The following RLF variants were observed in gnomAD, a reference collection of about 807,000 sequenced individuals.
The protein encoded by RLF is zinc finger protein Rlf.
Under a neutral mutation model 162.9 loss-of-function variants are expected in RLF, and 7 were observed. The ratio of observed to expected loss-of-function variants is 0.04; its 90% CI spans 0.02 to 0.08. The LOEUF is 0.08. RLF is among the 10% of genes least tolerant of loss of function. RLF has a pLI of 1.00. For synonymous variants in RLF, 782 were observed against 791.5 expected, an observed-to-expected ratio of 0.99 and a Z score of 0.20; for missense variants, 1,664 against 2,244.7, an observed-to-expected ratio of 0.74 and a Z score of 5.23.
intron 3 of RLF, among the ~76,000 whole-genome samples, chr1:40,192,596 T>G (rs1292938080): frequency 6.6e-6 from 1 of 152,184 alleles, no homozygotes; most frequent in Non-Finnish European, 1.5e-5. Flanking sequence ...TAGTTGCCTC[T>G]TTTTCCACTT....
At chr1:40,217,177 T>C (rs1248865159) in intron 5 of RLF, among the ~76,000 whole-genome samples, 15 of 152,162 alleles carry the variant, frequency 9.9e-5, no homozygotes, top group Admixed American at 9.8e-4. Flanking sequence ...TAAAAACTCT[T>C]ACTTAAGGCT....
intron 1 of RLF, among the ~76,000 whole-genome samples, chr1:40,184,629 G>C (rs1642447832): frequency 6.6e-6 from 1 of 152,202 alleles, no homozygotes; most frequent in Admixed American, 6.5e-5. Flanking sequence ...AAGGACTTGA[G>C]AGAGTAATTT....
rs374143953 is a variant in RLF, at chr1:40,167,215, A to G, written c.237+5579A>G. On this transcript the variant is annotated intron_variant, in intron 1 of 7. Coordinates refer to ENST00000372771, the MANE Select transcript of RLF (RefSeq NM_012421.4). ...ATAGGACAATAGTTTGGAGATGCCA[A>G]GATGGGTATAATCAGTCCCCTTACC... Among the ~76,000 whole-genome samples the G allele has an allele frequency of 8.5e-5, 13 of 152,318 alleles. 1 individual carries two copies. Among genetic ancestry groups the G allele is most frequent in the East Asian group, 3.9e-4 (2 of 5,188 alleles).
intron 7 of RLF, among the ~76,000 whole-genome samples, chr1:40,233,206 A>C (rs557727054): frequency 7.9e-5 from 12 of 152,070 alleles, no homozygotes; most frequent in Non-Finnish European, 1.8e-4. Context: ...AGACCCACCA[A>C]TTTCTTCAAA....
intron 6 of RLF, among the ~76,000 whole-genome samples, chr1:40,224,578 CTTTTTTTTTTTT>C (rs59980316): frequency 4.9e-5 from 2 of 40,438 alleles, no homozygotes; most frequent in African/African-American, 1.6e-4. Context: ...CTGGCCACAT[CTTTTTTTTTTTT>C]TTTTTTTTTT....
Position 40,237,578 on chromosome 1 carries a change from A to G in RLF, c.2876A>G (p.Asp959Gly). ...FDGTKFTCGF[D>G]GCGSTYKNAR... Reference sequence around the variant, plus strand: ...GGGACTAAGTTTACCTGTGGTTTTGATGGCTGTGGTTCCACATACAAAAAT... The same window carrying G: ...GGGACTAAGTTTACCTGTGGTTTTGGTGGCTGTGGTTCCACATACAAAAAT... The change falls in exon 8 of 8, where the codon GAT becomes GGT. Residue 959 changes from aspartate (D) to glycine (G), a missense_variant. This residue lies in a region of RLF where 295 missense variants were observed against 317.4 expected (regional missense o/e 0.93). Transcript: ENST00000372771. The surrounding 1 kb of genome is among the most constrained non-coding windows in gnomAD (Gnocchi z 4.4). The G allele has an allele frequency of 6.2e-7, 1 of 1,614,100 alleles. No individual in the cohort carries two copies. Among genetic ancestry groups the G allele is most frequent in the Non-Finnish European group, 8.5e-7 (1 of 1,179,982 alleles).
At chr1:40,182,753 G>GTAGATAGA (rs10591738) in intron 1 of RLF, among the ~76,000 whole-genome samples, 3,914 of 148,842 alleles carry the variant, frequency 0.026, 61 homozygotes, top group South Asian at 0.039. Flanking sequence ...AGATAGATAG[G>GTAGATAGA]TAGATAGATA....
At chr1:40,220,072 A>G (rs182967257) in intron 5 of RLF, among the ~76,000 whole-genome samples, 2 of 152,204 alleles carry the variant, frequency 1.3e-5, no homozygotes, top group East Asian at 3.9e-4. Flanking sequence ...TGGTGAAACT[A>G]AAAATATAAA....
In RLF at chr1:40,239,363, A is replaced by G. The variant is rs761707722; in HGVS notation, c.4661A>G (p.Gln1554Arg). 2 of 1,614,042 alleles carry G rather than the reference A, an allele frequency of 1.2e-6. No individual in the cohort carries two copies. The highest frequency in any genetic ancestry group is 1.1e-5 in the South Asian group (1 of 91,088). The change falls in exon 8 of 8, where the codon CAA becomes CGA. Residue 1554 changes from glutamine (Q) to arginine (R), a missense_variant. Transcript: ENST00000372771. ...CACACACAGTACCCCTGCATGGTTCAAGGATGCTTATCTGTGGTGAAGTTG... is the reference window on the plus strand; with the variant it reads ...CACACACAGTACCCCTGCATGGTTCGAGGATGCTTATCTGTGGTGAAGTTG... ...SEHTQYPCMVQGCLSVVKLES... is the reference protein window; with the variant it reads ...SEHTQYPCMVRGCLSVVKLES...
intron 1 of RLF, among the ~76,000 whole-genome samples, chr1:40,187,718 T>C (rs1464287094): frequency 6.6e-6 from 1 of 152,184 alleles, no homozygotes; most frequent in African/African-American, 2.4e-5. Flanking sequence ...CTCTCTCTCT[T>C]TTTTTAAATG....
At chr1:40,222,492 A>G (rs1317752265) in intron 5 of RLF, 82 bp from the exon 6 acceptor site, 1 of 1,397,998 alleles carries the variant, frequency 7.2e-7, no homozygotes, top group Admixed American at 2.1e-5. Context: ...TTTTTGCCTC[A>G]TTAAGAAGTT....
chr1:40,212,791 T>C (rs1398377336), intron 5 of RLF, among the ~76,000 whole-genome samples: 1 of 152,210 alleles, frequency 6.6e-6, no homozygotes, highest in East Asian at 1.9e-4. Context: ...TGTTGGGAAT[T>C]GACACAGTCA....
chr1:40,169,413 G>A (rs889788310), intron 1 of RLF, among the ~76,000 whole-genome samples: 1 of 151,564 alleles, frequency 6.6e-6, no homozygotes, highest in African/African-American at 2.4e-5. Flanking sequence ...TCAGGAGATC[G>A]AGACCATCCT....
intron 5 of RLF, among the ~76,000 whole-genome samples, chr1:40,221,627 A>G (rs61778544): frequency 0.056 from 8,461 of 151,022 alleles, 700 homozygotes; most frequent in African/African-American, 0.18. Context: ...AAGGCCGGGC[A>G]CGGTGGCTCA....
chr1:40,232,408 T>G (rs953231990), intron 7 of RLF, among the ~76,000 whole-genome samples: 4 of 152,174 alleles, frequency 2.6e-5, no homozygotes, highest in African/African-American at 9.7e-5. Flanking sequence ...GTTTTGTAAA[T>G]CAGAAATCCA....
intron 5 of RLF, among the ~76,000 whole-genome samples, chr1:40,213,394 G>C (rs572384805): frequency 1.3e-5 from 2 of 152,308 alleles, no homozygotes; most frequent in East Asian, 3.9e-4. Flanking sequence ...GATACACACT[G>C]TGATAGGGTT....
In RLF at chr1:40,237,121, G is replaced by A; in HGVS notation, c.2419G>A (p.Gly807Ser). The change falls in exon 8 of 8, where the codon GGC (glycine) becomes AGC (serine). Residue 807 changes from glycine (G) to serine (S), a missense_variant. Physicochemically the swap from Gly to Ser is moderately conservative, Grantham distance 56. This residue lies in a region of RLF where 69 missense variants were observed against 206.4 expected (regional missense o/e 0.33). Coordinates refer to ENST00000372771, the MANE Select transcript of RLF (RefSeq NM_012421.4). This position sits in a 1 kb window ranked among gnomAD's most constrained non-coding sequence, Gnocchi z 4.4. The stretch of plus-strand genomic sequence containing the variant: ...TGCATCTTACACATGCAACTTCCTT[G>A]GCTGTAAAAAGTTCTATTACTCCAA... ...RDASYTCNFL[G>S]CKKFYYSKIE... The A allele has an allele frequency of 6.2e-7, 1 of 1,614,010 alleles. No individual in the cohort carries two copies.
chr1:40,162,166 T>C (rs61780411), intron 1 of RLF, among the ~76,000 whole-genome samples: 7,890 of 151,640 alleles, frequency 0.052, 605 homozygotes, highest in African/African-American at 0.17. Flanking sequence ...GCGGAGCCGG[T>C]TGGTTGTTTG....
chr1:40,216,695 C>A (rs868706135), intron 5 of RLF, among the ~76,000 whole-genome samples: 1 of 152,100 alleles, frequency 6.6e-6, no homozygotes, highest in Admixed American at 6.5e-5. Flanking sequence ...GAACACTTCC[C>A]AACTTATGCT....
Sources: gnomAD v4.1 joint callset for allele counts (sites outside exome capture counted in the v4.1 genomes callset) on GRCh38, gnomAD v4.1.1 for gene constraint, gnomAD v4.1.1 regional missense constraint, Gnocchi (gnomAD v3.1) non-coding constraint, MANE v1.5 for transcripts, NCBI Gene and HGNC (gene_info 2026-07-23, HGNC 2026-07-21) for gene names.